The following RAB27B variants were observed in gnomAD, a reference collection of about 807,000 sequenced individuals.
RAB27B encodes the protein ras-related protein Rab-27B.
Under a neutral mutation model 24.6 loss-of-function variants are expected in RAB27B, and 15 were observed. That is an observed-to-expected ratio of 0.61 (90% CI 0.41 to 0.94). The LOEUF (loss-of-function observed/expected upper bound fraction) is 0.94, where lower values mean the gene tolerates loss of function less well. RAB27B is among the 40% of genes least tolerant of loss of function. The pLI is 0.00. For synonymous variants in RAB27B, 105 were observed against 92.5 expected (o/e 1.14, Z -0.78); for missense variants, 261 against 266.8 (o/e 0.98, Z 0.15).
chr18:54,749,592 T>C (rs1330981579), intron 2 of RAB27B, among the ~76,000 whole-genome samples: 1 of 152,172 alleles, frequency 6.6e-6, no homozygotes. Flanking sequence ...AGGAGTTCTC[T>C]AGATTGTGTT....
At chr18:54,784,755 GAAT>G (rs1909027734) in intron 2 of RAB27B, among the ~76,000 whole-genome samples, 1 of 152,174 alleles carries the variant, frequency 6.6e-6, no homozygotes, top group Admixed American at 6.5e-5. Flanking sequence ...TTGCTATTGT[GAAT>G]AGTGCTGCAG....
rs368035283 is a variant in RAB27B, at chr18:54,803,807, T to A, written c.-19-73760T>A. Among the ~76,000 whole-genome samples the A allele has an allele frequency of 1.1e-3, 169 of 152,284 alleles. 4 individuals are homozygous for A. The South Asian group carries it at 0.03, about 27-fold the overall frequency. ...GGGATGATGGAACCACTCACTGGGT[T>A]GATGATAATTTGGTTAGGACAGGTT... On this transcript the variant is annotated intron_variant, in intron 2 of 4. Coordinates refer to the RAB27B transcript ENST00000586570.
At chr18:54,811,317 G>A (rs1221055519) in intron 2 of RAB27B, among the ~76,000 whole-genome samples, 1 of 152,126 alleles carries the variant, frequency 6.6e-6, no homozygotes, top group African/African-American at 2.4e-5. Context: ...AAGATGGCTG[G>A]GGTAAAGCTT....
chr18:54,882,277 T>A (rs1912956555), intron 3 of RAB27B, among the ~76,000 whole-genome samples: 2 of 152,192 alleles, frequency 1.3e-5, no homozygotes, highest in Admixed American at 1.3e-4. Flanking sequence ...TAATTGTATA[T>A]CTTTTACTGT....
In RAB27B at chr18:54,893,866, C is replaced by T. The variant is rs1043894464; in HGVS notation, c.*4453C>T. Reference sequence around the variant, plus strand: ...CTGGAGAAGGTCATACTTCAAAGGTCGATTTTGAGTCCGAATAAAGAAAGA... The same window carrying T: ...CTGGAGAAGGTCATACTTCAAAGGTTGATTTTGAGTCCGAATAAAGAAAGA... On this transcript the variant is annotated 3_prime_UTR_variant, in exon 6 of 6. Coordinates refer to ENST00000262094, the MANE Select transcript of RAB27B (RefSeq NM_004163.4). 1 of 151,568 alleles carries T rather than the reference C, an allele frequency of 6.6e-6. No homozygotes were observed. The highest frequency in any genetic ancestry group is 6.6e-5 in the Admixed American group (1 of 15,158). 9.4% of individuals were successfully genotyped at this position (151,568 alleles called of 1,614,324 possible). A position where few individuals can be genotyped will look rare whatever the true frequency, so the allele number is the denominator to read the frequency against.
intron 2 of RAB27B, among the ~76,000 whole-genome samples, chr18:54,735,352 C>T (rs569271311): frequency 1.2e-3 from 176 of 152,254 alleles, no homozygotes; most frequent in African/African-American, 4.1e-3. Context: ...TCACACTCTC[C>T]ACTTTTCTTG....
chr18:54,786,119 T>G (rs1909076654), intron 2 of RAB27B, among the ~76,000 whole-genome samples: 1 of 151,856 alleles, frequency 6.6e-6, no homozygotes, highest in Non-Finnish European at 1.5e-5. Flanking sequence ...ATCTTTTTTT[T>G]GTCTTCTGCA....
intron 1 of RAB27B, among the ~76,000 whole-genome samples, chr18:54,832,713 T>C (rs1312249971): frequency 6.6e-6 from 1 of 151,776 alleles, no homozygotes; most frequent in Non-Finnish European, 1.5e-5. Flanking sequence ...CGGAAGAGAG[T>C]GTCATCATGA....
intron 2 of RAB27B, among the ~76,000 whole-genome samples, chr18:54,759,829 C>A (rs1908126193): frequency 6.6e-6 from 1 of 152,124 alleles, no homozygotes; most frequent in South Asian, 2.1e-4. Context: ...AGAGAAGAGT[C>A]CAGCCAGGGA....
At chr18:54,781,668 C>T (rs1039885259) in intron 2 of RAB27B, among the ~76,000 whole-genome samples, 2 of 152,112 alleles carry the variant, frequency 1.3e-5, no homozygotes, top group Non-Finnish European at 2.9e-5. Flanking sequence ...CAGGAGTTCC[C>T]AGTATGCTGT....
At chr18:54,773,968 G>A (rs1908636339) in intron 2 of RAB27B, among the ~76,000 whole-genome samples, 1 of 152,136 alleles carries the variant, frequency 6.6e-6, no homozygotes, top group African/African-American at 2.4e-5. Flanking sequence ...ATGAGACATC[G>A]CGCCCGGCTG....
intron 2 of RAB27B, among the ~76,000 whole-genome samples, chr18:54,740,745 G>A (rs1240374805): frequency 1.3e-5 from 2 of 152,178 alleles, no homozygotes; most frequent in Admixed American, 6.5e-5. Flanking sequence ...TTTGTAAAAT[G>A]TAAAGCTTGG....
chr18:54,806,722 A>G (rs1245764263), intron 2 of RAB27B, among the ~76,000 whole-genome samples: 1 of 151,678 alleles, frequency 6.6e-6, no homozygotes, highest in African/African-American at 2.4e-5. Flanking sequence ...TGGATGGAAA[A>G]CATGAGTCAT....
At chr18:54,811,380 A>C (rs1909959071) in intron 2 of RAB27B, among the ~76,000 whole-genome samples, 1 of 152,220 alleles carries the variant, frequency 6.6e-6, no homozygotes, top group South Asian at 2.1e-4. Context: ...TATAAGAAGT[A>C]AATTGGTTCA....
At chr18:54,772,537 G>A (rs999935417) in intron 2 of RAB27B, among the ~76,000 whole-genome samples, 2 of 152,118 alleles carry the variant, frequency 1.3e-5, no homozygotes, top group Non-Finnish European at 2.9e-5. Context: ...GAGATCTTTC[G>A]TTTTAATCGT....
chr18:54,745,485 C>A (rs1910207926), intron 2 of RAB27B: 1 of 154,296 alleles, frequency 6.5e-6, no homozygotes, highest in South Asian at 1.8e-4. Context: ...CTCAGCAGTT[C>A]CCTACTCAAG....
intron 2 of RAB27B, among the ~76,000 whole-genome samples, chr18:54,736,677 G>A (rs1909905651): frequency 6.6e-6 from 1 of 152,146 alleles, no homozygotes; most frequent in South Asian, 2.1e-4. Flanking sequence ...TCATCTCCAA[G>A]AAAGTGATAT....
At chr18:54,787,076 C>T (rs1311527204) in intron 2 of RAB27B, among the ~76,000 whole-genome samples, 1 of 152,184 alleles carries the variant, frequency 6.6e-6, no homozygotes, top group Non-Finnish European at 1.5e-5. Context: ...GCTCGGAAAC[C>T]TCCCAGTACT....
At chr18:54,868,105 C>A (rs1912314060) in intron 1 of RAB27B, among the ~76,000 whole-genome samples, 1 of 152,086 alleles carries the variant, frequency 6.6e-6, no homozygotes, top group Admixed American at 6.5e-5. Flanking sequence ...TGTGTTCATA[C>A]AAGATTAGTT....
Sources: gnomAD v4.1 joint callset for allele counts (sites outside exome capture counted in the v4.1 genomes callset) on GRCh38, gnomAD v4.1.1 for gene constraint, MANE v1.5 for transcripts, NCBI Gene and HGNC (gene_info 2026-07-23, HGNC 2026-07-21) for gene names.